The following CUX1 variants were observed in gnomAD, a reference collection of about 807,000 sequenced individuals.
CUX1 encodes the protein protein CASP.
Under a neutral mutation model 158.8 loss-of-function variants are expected in CUX1, and 31 were observed. The observed-to-expected ratio is 0.20, with a 90% CI of 0.15 to 0.26. CUX1 has a LOEUF of 0.26. CUX1 is among the 10% of genes least tolerant of loss of function. CUX1 has a pLI of 1.00. For missense variants in CUX1, 1,589 were observed against 2,014.6 expected, an observed-to-expected ratio of 0.79 and a Z score of 4.04; for synonymous variants, 879 against 862.1, an observed-to-expected ratio of 1.02 and a Z score of -0.34.
chr7:102,223,542 A>C (rs1200570086), intron 20 of CUX1, among the ~76,000 whole-genome samples: 1 of 152,172 alleles, frequency 6.6e-6, no homozygotes, highest in African/African-American at 2.4e-5. Flanking sequence ...TAACAGAACA[A>C]AAATATGGTC....
At chr7:101,847,510 C>G (rs1795821254) in intron 1 of CUX1, among the ~76,000 whole-genome samples, 1 of 152,162 alleles carries the variant, frequency 6.6e-6, no homozygotes, top group African/African-American at 2.4e-5. Context: ...ACTGCTGAAC[C>G]TGCTTCCTCC....
At position 102,202,135 on chromosome 7, in the gene CUX1, C is replaced by G; in HGVS notation, c.2838C>G (p.Ile946Met). ...ACATGTACCAGGAGGTGGACACCATCGAGCTCACCCGGCAGGTTAAGGAAA... is the reference window on the plus strand; with the variant it reads ...ACATGTACCAGGAGGTGGACACCATGGAGCTCACCCGGCAGGTTAAGGAAA... ...EVYMYQEVDTIELTRQVKEKL... is the reference protein window; with the variant it reads ...EVYMYQEVDTMELTRQVKEKL... Residue 946 changes from isoleucine to methionine, a missense_variant, in exon 18 of 24, where the codon ATC becomes ATG. Ile to Met is a conservative substitution (Grantham distance 10). Around this residue, in one of 8 missense-constraint regions of CUX1, gnomAD observed 337 missense variants for 409.3 expected, o/e 0.82. Transcript: ENST00000292535. The G allele has an allele frequency of 6.2e-7, 1 of 1,613,936 alleles. No homozygotes were observed. The highest frequency in any genetic ancestry group is 8.5e-7 in the Non-Finnish European group (1 of 1,179,884).
rs58793343 is a variant in CUX1 at position 101,821,671 on chromosome 7, C to CTTTTTTTTTTTTTTTTTTTTT, written c.30+4008_30+4028dup. Reference sequence around the variant, plus strand: ...CTTTTCTTTTCTTTTTTTCTTTTTTCTTTTTTTTTTTTTTTTTTTTTTTTT... The same window carrying CTTTTTTTTTTTTTTTTTTTTT: ...CTTTTCTTTTCTTTTTTTCTTTTTTCTTTTTTTTTTTTTTTTTTTTTTTTTTTTTTTTTTTTTTTTTTTTTT... On this transcript the variant is annotated intron_variant, in intron 1 of 23. Coordinates refer to ENST00000292535, the MANE Select transcript of CUX1 (RefSeq NM_181552.4). Among the ~76,000 whole-genome samples, 114 of 51,316 alleles carry CTTTTTTTTTTTTTTTTTTTTT rather than the reference C, an allele frequency of 2.2e-3. 9 individuals are homozygous for CTTTTTTTTTTTTTTTTTTTTT. Among genetic ancestry groups the CTTTTTTTTTTTTTTTTTTTTT allele is most frequent in the East Asian group, 6.5e-3 (10 of 1,540 alleles). 33.7% of individuals were successfully genotyped at this position (51,316 alleles called of 152,430 possible).
At chr7:102,102,723 G>A (rs782334434) in intron 5 of CUX1, among the ~76,000 whole-genome samples, 1 of 152,226 alleles carries the variant, frequency 6.6e-6, no homozygotes, top group Non-Finnish European at 1.5e-5. Flanking sequence ...CAAAGAAAAT[G>A]AGCCTCGCCT....
At chr7:102,080,550 A>G (rs1385096930) in intron 4 of CUX1, among the ~76,000 whole-genome samples, 1 of 152,190 alleles carries the variant, frequency 6.6e-6, no homozygotes, top group Non-Finnish European at 1.5e-5. Context: ...GACAGCCCCC[A>G]TCGCCCGCAG....
intron 14 of CUX1, among the ~76,000 whole-genome samples, chr7:102,268,707 G>A (rs975579303): frequency 2.0e-5 from 3 of 152,116 alleles, no homozygotes; most frequent in Non-Finnish European, 2.9e-5. Flanking sequence ...GCTGGTGTCG[G>A]TTTGGCTTCT....
intron 20 of CUX1, among the ~76,000 whole-genome samples, chr7:102,216,817 C>G (rs975709685): frequency 1.0e-5 from 1 of 95,996 alleles, no homozygotes; most frequent in African/African-American, 3.4e-5. Context: ...CCCACACACA[C>G]TCTCCCACCA....
chr7:101,971,089 C>T (rs1811888918), intron 2 of CUX1, among the ~76,000 whole-genome samples: 1 of 152,228 alleles, frequency 6.6e-6, no homozygotes, highest in African/African-American at 2.4e-5. Flanking sequence ...AAGATACTTT[C>T]CCCATTTTCC....
At chr7:101,847,202 A>G (rs532802879) in intron 1 of CUX1, among the ~76,000 whole-genome samples, 5 of 152,282 alleles carry the variant, frequency 3.3e-5, no homozygotes, top group South Asian at 2.1e-4. Context: ...ATTTTCACCA[A>G]CGCTGTAGCA....
chr7:102,126,177 CTGTG>C lies in CUX1; in HGVS notation c.674+10936_674+10939del, dbSNP rs3988138. Among the ~76,000 whole-genome samples the C allele has an allele frequency of 2.6e-3, 352 of 135,536 alleles. 1 individual carries two copies. Among genetic ancestry groups the C allele is most frequent in the African/African-American group, 7.0e-3 (249 of 35,496 alleles). The allele number at this position is 135,536 out of a possible 152,430, so 88.9% of individuals were successfully genotyped here. On this transcript the variant is annotated intron_variant, in intron 8 of 23. Coordinates refer to ENST00000292535, the MANE Select transcript of CUX1 (RefSeq NM_181552.4). Reference sequence around the variant, plus strand: ...TACAAGTGTGCACCACCATTTCCGGCTGTGTGTGTGTGTGTGTGTGTGTGTGTGT... The same window carrying C: ...TACAAGTGTGCACCACCATTTCCGGCTGTGTGTGTGTGTGTGTGTGTGTGT...
intron 10 of CUX1, among the ~76,000 whole-genome samples, chr7:102,174,813 G>C (rs1554511336): frequency 6.6e-6 from 1 of 152,200 alleles, no homozygotes; most frequent in Admixed American, 6.5e-5. Flanking sequence ...TGCCAGGCAT[G>C]GTGGCATGTG....
intron 1 of CUX1, among the ~76,000 whole-genome samples, chr7:101,827,963 G>T (rs1793548122): frequency 7.0e-6 from 1 of 143,242 alleles, no homozygotes; most frequent in Non-Finnish European, 1.5e-5. Flanking sequence ...AGGCCCAATT[G>T]GTATAACTTG....
intron 2 of CUX1, among the ~76,000 whole-genome samples, chr7:101,917,095 G>A (rs976094159): frequency 6.6e-6 from 1 of 152,294 alleles, no homozygotes; most frequent in East Asian, 1.9e-4. Flanking sequence ...CCCGGCTTCC[G>A]GGCTTGGGGA....
chr7:102,051,729 C>A (rs1217806421), intron 3 of CUX1, among the ~76,000 whole-genome samples: 1 of 151,898 alleles, frequency 6.6e-6, no homozygotes, highest in African/African-American at 2.4e-5. Context: ...GGAGGATGCC[C>A]AAGACTATCT....
intron 21 of CUX1, among the ~76,000 whole-genome samples, chr7:102,231,192 G>C (rs1462637024): frequency 1.3e-5 from 2 of 152,022 alleles, no homozygotes; most frequent in Non-Finnish European, 2.9e-5. Context: ...ACCATGCCCG[G>C]CTAATTTTTT....
rs538592659 is a variant in CUX1, at chr7:102,240,977, C to T, written c.3887+1393C>T. On this transcript the variant is annotated intron_variant, in intron 23 of 23. Coordinates refer to ENST00000292535, the MANE Select transcript of CUX1 (RefSeq NM_181552.4). ...CTGAGACTACAGGTGTGCACCACCA[C>T]GCCTGGCTAATTTTTGTATTTTTAG... is the stretch of plus-strand genomic sequence containing the variant. Among the ~76,000 whole-genome samples, 60 of 152,250 alleles carry T rather than the reference C, an allele frequency of 3.9e-4. 2 individuals are homozygous for T. The South Asian group carries it at 0.011, about 29-fold the overall frequency.
At chr7:102,259,130 T>C (rs1790186659), downstream of CUX1, among the ~76,000 whole-genome samples, 1 of 152,204 alleles carries the variant, frequency 6.6e-6, no homozygotes, top group South Asian at 2.1e-4. Context: ...TTCAACTGGA[T>C]TCAATCCTCC....
rs113668712 is a variant in CUX1 at position 102,026,449 on chromosome 7, C to T, written c.142-1649C>T. Reference sequence around the variant, plus strand: ...TTGATAGGTCTTACTTAGGAAGCCTCTGATAAAATAATTTGCAGAGTTTTA... The same window carrying T: ...TTGATAGGTCTTACTTAGGAAGCCTTTGATAAAATAATTTGCAGAGTTTTA... On this transcript the variant is annotated intron_variant, in intron 2 of 23. Transcript: ENST00000292535. 6.1e-3 allele frequency among the ~76,000 whole-genome samples: 935 copies of T among 152,272 alleles called. 9 individuals carry two copies. The highest frequency in any genetic ancestry group is 0.022 in the African/African-American group (903 of 41,550).
At chr7:102,058,579 G>A (rs544759488) in intron 3 of CUX1, among the ~76,000 whole-genome samples, 1 of 152,032 alleles carries the variant, frequency 6.6e-6, no homozygotes, top group Non-Finnish European at 1.5e-5. Flanking sequence ...CACCGTACCT[G>A]GTCTGTTTTT....
Sources: gnomAD v4.1 joint callset for allele counts (sites outside exome capture counted in the v4.1 genomes callset) on GRCh38, gnomAD v4.1.1 for gene constraint, gnomAD v4.1.1 regional missense constraint, MANE v1.5 for transcripts, NCBI Gene and HGNC (gene_info 2026-07-23, HGNC 2026-07-21) for gene names.